The following HLCS variants were observed in gnomAD, a reference collection of about 807,000 sequenced individuals.
HLCS encodes the protein holocarboxylase synthetase, also known as biotin--protein ligase.
HLCS carries 53 observed loss-of-function variants against 75.0 expected under a neutral mutation model. The observed-to-expected ratio is 0.71, with a 90% CI of 0.57 to 0.89. HLCS has a LOEUF of 0.89. Ranked by LOEUF, HLCS falls within the 40% of genes least tolerant of loss-of-function variation. The pLI is 0.00. For missense variants in HLCS, 966 were observed against 1,074.0 expected, an observed-to-expected ratio of 0.90 and a Z score of 1.41; for synonymous variants, 431 against 428.6, an observed-to-expected ratio of 1.01 and a Z score of -0.07.
At position 36,767,247 on chromosome 21, in the gene HLCS, A is replaced by G. The variant is rs2145777096; in HGVS notation, c.1931T>C (p.Val644Ala). 1 of 1,614,240 alleles carries G rather than the reference A, an allele frequency of 6.2e-7. No homozygotes were observed. The highest frequency in any genetic ancestry group is 8.5e-7 in the Non-Finnish European group (1 of 1,180,042). Residue 644 changes from valine to alanine, a missense_variant, in exon 7 of 11, where the codon GTG (valine) becomes GCG (alanine). Coordinates refer to ENST00000674895, the MANE Select transcript of HLCS (RefSeq NM_001352514.2). ...GCCCTCGGTCTGCCGGGCCGCGATC[A>G]CTATTAAGCCCATTTCCTGCGGTGT... ...FQTPQEMGLIVIAARQTEGKG... is the reference protein window; with the variant it reads ...FQTPQEMGLIAIAARQTEGKG...
intron 5 of HLCS, among the ~76,000 whole-genome samples, chr21:36,898,996 G>A (rs1179631898): frequency 2.0e-5 from 3 of 152,098 alleles, no homozygotes; most frequent in East Asian, 3.9e-4. Context: ...AAGAAGCAGA[G>A]GCTGCAGTGA....
At chr21:36,811,129 A>G (rs959765496) in intron 6 of HLCS, among the ~76,000 whole-genome samples, 3 of 152,222 alleles carry the variant, frequency 2.0e-5, no homozygotes, top group African/African-American at 4.8e-5. Context: ...GCTAATTAAC[A>G]TATGTATTAC....
rs759699224 is a variant in HLCS at position 36,754,262 on chromosome 21, A to T, written c.2606T>A (p.Leu869His). The T allele has an allele frequency of 3.1e-6, 5 of 1,613,924 alleles. No homozygotes were observed. In the African/African-American group the frequency reaches 6.7e-5, roughly 22 times the overall value. Residue 869 changes from leucine to histidine, a missense_variant, in exon 11 of 11, where the codon CTC becomes CAC. By Grantham distance (99) the Leu-to-His change is moderately conservative (BLOSUM62 -3). Transcript: ENST00000674895. Reference protein sequence around the residue: ...NSFDMLRNLILPKRR With the variant: ...NSFDMLRNLIHPKRR ...CGCCCGGCATTACCGCCGTTTGGGG[A>T]GGATGAGGTTTCTCAGCATGTCGAA... is the stretch of plus-strand genomic sequence containing the variant.
intron 9 of HLCS, 154 bp from the exon 10 acceptor site, chr21:36,756,909 T>C: frequency 1.0e-6 from 1 of 985,152 alleles, no homozygotes; most frequent in Non-Finnish European, 1.2e-6. Context: ...AAGAGTGACA[T>C]GTATTTCTGT....
rs543122876 is a variant in HLCS, at chr21:36,836,891, A to G, written c.1892+59969T>C. ...CTGTTGAATGTCAATAAACATATAA[A>G]AACTGCACGGCGGCTGGGCACGGTG... is the stretch of plus-strand genomic sequence containing the variant. On this transcript the variant is annotated intron_variant, in intron 6 of 10. Coordinates refer to ENST00000674895, the MANE Select transcript of HLCS (RefSeq NM_001352514.2). 2.0e-5 allele frequency among the ~76,000 whole-genome samples: 3 copies of G among 152,144 alleles called. No individual in the cohort carries two copies. In the South Asian group the frequency reaches 6.3e-4, roughly 32 times the overall value.
chr21:36,939,991 G>A (rs1418604155), intron 2 of HLCS, among the ~76,000 whole-genome samples: 2 of 152,216 alleles, frequency 1.3e-5, no homozygotes, highest in African/African-American at 4.8e-5. Flanking sequence ...AGAGGTTGCA[G>A]TGAGCTGAGA....
At chr21:36,869,073 C>G (rs2063675090) in intron 6 of HLCS, among the ~76,000 whole-genome samples, 1 of 151,766 alleles carries the variant, frequency 6.6e-6, no homozygotes, top group South Asian at 2.1e-4. Context: ...TGACCTGAGT[C>G]CATGCATTAA....
At chr21:36,913,135 G>A (rs1304380368) in intron 5 of HLCS, among the ~76,000 whole-genome samples, 2 of 152,042 alleles carry the variant, frequency 1.3e-5, no homozygotes, top group African/African-American at 4.8e-5. Context: ...AGAAGAAATG[G>A]GACCCCAGAC....
intron 6 of HLCS, among the ~76,000 whole-genome samples, chr21:36,815,131 A>G (rs572981107): frequency 9.9e-5 from 15 of 151,834 alleles, no homozygotes; most frequent in Non-Finnish European, 1.0e-4. Flanking sequence ...GGTTCAAGCA[A>G]TTCTCCTGCT....
Position 36,930,572 on chromosome 21 carries a change from T to C in HLCS, c.1438-139A>G, listed in dbSNP as rs148486109. 2.2e-4 allele frequency: 168 copies of C among 754,466 alleles called. No individual in the cohort carries two copies. In the African/African-American group the frequency reaches 2.6e-3, roughly 12 times the overall value. 46.7% of individuals were successfully genotyped at this position (754,466 alleles called of 1,614,324 possible). A position where few individuals can be genotyped will look rare whatever the true frequency, so the allele number is the denominator to read the frequency against. ...GTTGCCCAGGCTGGTCTTGAACTCC[T>C]GGGCTCAAACGATCCTCCCACCTCA... is the stretch of plus-strand genomic sequence containing the variant. On this transcript the variant is annotated intron_variant, in intron 4 of 10. Coordinates refer to ENST00000674895, the MANE Select transcript of HLCS (RefSeq NM_001352514.2).
Position 36,942,445 on chromosome 21 carries a change from T to C in HLCS, c.331-3451A>G, listed in dbSNP as rs566010473. ...AAAAAAAAGAATGAGGATAAACCTC[T>C]TCCTCACATCATGCAAACCACGTAC... On this transcript the variant is annotated intron_variant, in intron 2 of 10. Coordinates refer to ENST00000674895, the MANE Select transcript of HLCS (RefSeq NM_001352514.2). 6.1e-5 allele frequency among the ~76,000 whole-genome samples: 9 copies of C among 147,252 alleles called. No individual in the cohort carries two copies. In the South Asian group the frequency reaches 1.9e-3, roughly 32 times the overall value.
At chr21:36,942,356 G>A (rs144796207) in intron 2 of HLCS, among the ~76,000 whole-genome samples, 1,595 of 140,082 alleles carry the variant, frequency 0.011, 28 homozygotes, top group African/African-American at 0.041. Context: ...CTGAGATTGC[G>A]CCATTGCAGT....
chr21:36,987,873 A>C (rs55786952), intron 1 of HLCS, among the ~76,000 whole-genome samples: 38,878 of 152,076 alleles, frequency 0.26, 5,151 homozygotes, highest in South Asian at 0.35. Context: ...GCTATACCAG[A>C]TCACTACCAA....
At chr21:36,983,819 G>A (rs1316080117) in intron 1 of HLCS, among the ~76,000 whole-genome samples, 4 of 150,694 alleles carry the variant, frequency 2.7e-5, no homozygotes, top group African/African-American at 2.4e-5. Flanking sequence ...CCTGGGTGAC[G>A]CAGAGAGACT....
intron 6 of HLCS, among the ~76,000 whole-genome samples, chr21:36,782,588 C>T (rs761115570): frequency 1.3e-5 from 2 of 152,114 alleles, no homozygotes; most frequent in Non-Finnish European, 2.9e-5. Context: ...AAACGTGTTC[C>T]ATGGAGAGGG....
At chr21:36,977,865 A>G (rs1303895099) in intron 1 of HLCS, among the ~76,000 whole-genome samples, 1 of 152,248 alleles carries the variant, frequency 6.6e-6, no homozygotes, top group Non-Finnish European at 1.5e-5. Flanking sequence ...AGTGCAGACT[A>G]TTGTGACCCA....
At chr21:36,764,853 G>A (rs2089977435) in intron 8 of HLCS, among the ~76,000 whole-genome samples, 159 bp downstream of exon 8, 1 of 152,256 alleles carries the variant, frequency 6.6e-6, no homozygotes, top group Admixed American at 6.5e-5. Context: ...TTAGCACCTG[G>A]TGGTGCTCTG....
chr21:36,766,381 A>C (rs192364199), intron 7 of HLCS, among the ~76,000 whole-genome samples: 2 of 151,900 alleles, frequency 1.3e-5, no homozygotes, highest in African/African-American at 2.4e-5. Flanking sequence ...GGTAGAGTTC[A>C]TCAAAGTTCT....
At chr21:36,923,292 G>A (rs2066256188) in intron 5 of HLCS, among the ~76,000 whole-genome samples, 1 of 152,182 alleles carries the variant, frequency 6.6e-6, no homozygotes, top group South Asian at 2.1e-4. Flanking sequence ...AGGAAGCCCG[G>A]GTAGGAGACA....
Sources: allele counts gnomAD v4.1 joint callset (sites outside exome capture counted in the v4.1 genomes callset), GRCh38; gene constraint gnomAD v4.1.1; transcripts MANE v1.5; gene names NCBI Gene and HGNC (gene_info 2026-07-23, HGNC 2026-07-21).